The following NOVA1 variants were observed in gnomAD, a reference collection of about 807,000 sequenced individuals.
NOVA1 encodes the protein RNA-binding protein Nova-1.
In NOVA1, 7 loss-of-function variants were observed where a neutral mutation model predicts 38.0. The ratio of observed to expected loss-of-function variants is 0.18; its 90% CI spans 0.10 to 0.35. NOVA1 has a LOEUF of 0.35. Among genes scored for constraint, NOVA1 ranks in the 10% least tolerant of loss-of-function variants. NOVA1 has a pLI of 1.00. For synonymous variants in NOVA1, 270 were observed against 232.5 expected (o/e 1.16, Z -1.47); for missense variants, 460 against 616.0 (o/e 0.75, Z 2.68).
At chr14:26,519,318 G>A (rs1888703076) in intron 2 of NOVA1, 1 of 152,176 alleles carries the variant, frequency 6.6e-6, no homozygotes, top group South Asian at 2.1e-4. Flanking sequence ...GGGAGGCACT[G>A]TGAGCAATGG....
rs1894283359 is a variant in NOVA1, at chr14:26,597,519, T to A, written c.-83A>T. On this transcript the variant is annotated 5_prime_UTR_variant, in exon 1 of 5. Coordinates refer to ENST00000539517, the MANE Select transcript of NOVA1 (RefSeq NM_002515.3). ...TCTTTTCTTTTTTCTTTTTTTTTTT[T>A]TTTTTTTTTTGCGTTTGGGGTTTCT... 8.6e-7 allele frequency: 1 copy of A among 1,162,760 alleles called. No individual in the cohort carries two copies. Among genetic ancestry groups the A allele is most frequent in the Non-Finnish European group, 1.1e-6 (1 of 938,278 alleles). The allele number at this position is 1,162,760 out of a possible 1,614,324, so 72.0% of individuals were successfully genotyped here.
In NOVA1 at chr14:26,596,977, A is replaced by C. The variant is rs1267531354; in HGVS notation, c.136+324T>G. ...CGGGGTCATCCTCCTCCTCCTCCTG[A>C]ATGGACCTTCTTGCCCAGGTCTAGG... is the stretch of plus-strand genomic sequence containing the variant. On this transcript the variant is annotated intron_variant, in intron 1 of 4. Transcript: ENST00000539517. 1.2e-5 allele frequency: 15 copies of C among 1,224,406 alleles called. 1 individual carries two copies. The South Asian group carries it at 2.1e-4, about 17-fold the overall frequency. 75.8% of individuals were successfully genotyped at this position (1,224,406 alleles called of 1,614,324 possible).
At chr14:26,503,138 C>A (rs1887364904) in intron 2 of NOVA1, among the ~76,000 whole-genome samples, 1 of 151,982 alleles carries the variant, frequency 6.6e-6, no homozygotes, top group South Asian at 2.1e-4. Context: ...GACGATGAAA[C>A]TGGGGAAACT....
intron 2 of NOVA1, among the ~76,000 whole-genome samples, chr14:26,535,441 A>G (rs1889996162): frequency 6.6e-6 from 1 of 152,198 alleles, no homozygotes; most frequent in Admixed American, 6.5e-5. Context: ...ATAAAGGACA[A>G]TAGGGCCAGG....
intron 2 of NOVA1, chr14:26,592,824 C>T (rs1055568155): frequency 6.6e-6 from 1 of 151,386 alleles, no homozygotes; most frequent in African/African-American, 2.4e-5. Context: ...TTAAAATGTC[C>T]CGAGTGTGTC....
intron 2 of NOVA1, among the ~76,000 whole-genome samples, chr14:26,509,895 G>A (rs1887929163): frequency 6.6e-6 from 1 of 152,088 alleles, no homozygotes; most frequent in South Asian, 2.1e-4. Context: ...GGTTAGGTTG[G>A]TCTCAAACTC....
At chr14:26,520,087 A>G (rs1888760961) in intron 2 of NOVA1, among the ~76,000 whole-genome samples, 1 of 152,204 alleles carries the variant, frequency 6.6e-6, no homozygotes, top group Non-Finnish European at 1.5e-5. Context: ...ACCTTATTTA[A>G]CATATATTGT....
At chr14:26,581,878 AATTTT>A (rs1893248208) in intron 2 of NOVA1, among the ~76,000 whole-genome samples, 1 of 151,918 alleles carries the variant, frequency 6.6e-6, no homozygotes, top group South Asian at 2.1e-4. Flanking sequence ...TATCACAAAT[AATTTT>A]ACCTTTCACT....
chr14:26,557,413 G>A (rs553414887), intron 2 of NOVA1, among the ~76,000 whole-genome samples: 3 of 152,076 alleles, frequency 2.0e-5, no homozygotes, highest in African/African-American at 7.2e-5. Context: ...TTGTTGCCCA[G>A]GCTTGAGTGC....
intron 2 of NOVA1, among the ~76,000 whole-genome samples, chr14:26,510,007 G>A (rs941200400): frequency 6.6e-6 from 1 of 152,068 alleles, no homozygotes; most frequent in African/African-American, 2.4e-5. Context: ...AGAGTACACA[G>A]TACAGACATA....
Position 26,446,010 on chromosome 14 carries a change from G to A in NOVA1, c.*1949C>T, listed in dbSNP as rs1326800290. 1.3e-5 allele frequency: 2 copies of A among 152,448 alleles called. No homozygotes were observed. The highest frequency in any genetic ancestry group is 2.1e-4 in the South Asian group (1 of 4,824). The allele number at this position is 152,448 out of a possible 1,614,324, so 9.4% of individuals were successfully genotyped here. ...ACTTACACAGCTACAGAGTATCGACGATAAATAGTCATTACCAATTAACAC... is the reference window on the plus strand; with the variant it reads ...ACTTACACAGCTACAGAGTATCGACAATAAATAGTCATTACCAATTAACAC... On this transcript the variant is annotated 3_prime_UTR_variant, in exon 5 of 5. Transcript: ENST00000539517.
chr14:26,473,669 C>T (rs2138262216), intron 3 of NOVA1, among the ~76,000 whole-genome samples: 1 of 151,876 alleles, frequency 6.6e-6, no homozygotes, highest in Non-Finnish European at 1.5e-5. Flanking sequence ...ATTCACTGCC[C>T]TCCAGTAACA....
chr14:26,580,073 T>G (rs184213971), intron 2 of NOVA1, among the ~76,000 whole-genome samples: 2 of 152,018 alleles, frequency 1.3e-5, no homozygotes, highest in East Asian at 1.9e-4. Context: ...TAAAAAAATC[T>G]TACTAACAGC....
chr14:26,482,275 T>A (rs529289784), intron 2 of NOVA1, among the ~76,000 whole-genome samples: 66 of 152,186 alleles, frequency 4.3e-4, no homozygotes, highest in South Asian at 8.3e-4. Flanking sequence ...ATTACATAAT[T>A]TGCATTAGAA....
At chr14:26,487,015 ATT>A (rs1397282566) in intron 2 of NOVA1, among the ~76,000 whole-genome samples, 10 of 152,114 alleles carry the variant, frequency 6.6e-5, no homozygotes, top group African/African-American at 2.4e-4. Flanking sequence ...CACTTTTCAT[ATT>A]GTCTTTATAA....
chr14:26,574,992 A>T (rs557634652), intron 2 of NOVA1, among the ~76,000 whole-genome samples: 2 of 152,270 alleles, frequency 1.3e-5, no homozygotes, highest in African/African-American at 4.8e-5. Flanking sequence ...TGAAAAAATC[A>T]TATTGTGGGA....
At chr14:26,576,965 A>G (rs1348505591) in intron 2 of NOVA1, among the ~76,000 whole-genome samples, 1 of 151,922 alleles carries the variant, frequency 6.6e-6, no homozygotes, top group Admixed American at 6.6e-5. Flanking sequence ...AGACTTATTC[A>G]TACTACATAG....
intron 2 of NOVA1, among the ~76,000 whole-genome samples, chr14:26,594,911 G>A (rs1894087895): frequency 6.6e-6 from 1 of 151,974 alleles, no homozygotes; most frequent in South Asian, 2.1e-4. Context: ...AAAATCTGAA[G>A]AGGCAACACT....
chr14:26,572,798 G>T (rs1892575168), intron 2 of NOVA1, among the ~76,000 whole-genome samples: 1 of 147,646 alleles, frequency 6.8e-6, no homozygotes, highest in Non-Finnish European at 1.5e-5. Flanking sequence ...AAATAATACA[G>T]ATACATAACC....
Sources: allele counts gnomAD v4.1 joint callset (sites outside exome capture counted in the v4.1 genomes callset), GRCh38; gene constraint gnomAD v4.1.1; transcripts MANE v1.5; gene names NCBI Gene and HGNC (gene_info 2026-07-23, HGNC 2026-07-21).